MUC7: variants seen among roughly 807,000 people sequenced by gnomAD.
MUC7 encodes the protein mucin 7, secreted.
Under a neutral mutation model 2.5 loss-of-function variants are expected in MUC7, and 2 were observed. That is an observed-to-expected ratio of 0.81 (90% CI 0.33 to 2.55). The LOEUF (loss-of-function observed/expected upper bound fraction) is 2.55. Among genes scored for constraint, MUC7 ranks in the 30% most tolerant of loss-of-function variants. The pLI is 0.11. For synonymous variants in MUC7, 133 were observed against 173.4 expected (o/e 0.77, Z 1.83); for missense variants, 408 against 455.6 (o/e 0.90, Z 0.95).
chr4:70,453,435 G>T (rs1381411207), intron 1 of MUC7, among the ~76,000 whole-genome samples: 1 of 152,140 alleles, frequency 6.6e-6, no homozygotes, highest in African/African-American at 2.4e-5. Flanking sequence ...GAATAGTATT[G>T]CCTGACTACT....
At chr4:70,450,796 T>A (rs1447199977) in intron 1 of MUC7, among the ~76,000 whole-genome samples, 1 of 152,164 alleles carries the variant, frequency 6.6e-6, no homozygotes, top group Admixed American at 6.5e-5. Context: ...TGCCCTATCC[T>A]GCTGTGGCTG....
In MUC7 at chr4:70,481,388, C is replaced by CA. The variant is rs775340409; in HGVS notation, c.645dup (p.Pro216ThrfsTer97). On this transcript the variant is annotated frameshift_variant, in exon 3 of 3. Transcript: ENST00000304887. LOFTEE classifies it low-confidence loss of function (END_TRUNC). Reference sequence around the variant, plus strand: ...GCTCCACCAGAGACCACAGCTGCCCCACCCACACCTCCTGCAACTACACCA... The same window carrying CA: ...GCTCCACCAGAGACCACAGCTGCCCCAACCCACACCTCCTGCAACTACACCA... 4 of 1,613,330 alleles carry CA rather than the reference C, an allele frequency of 2.5e-6. No homozygotes were observed. The African/African-American group carries it at 5.4e-5, about 22-fold the overall frequency.
At position 70,481,737 on chromosome 4, in the gene MUC7, C is replaced by G; in HGVS notation, c.993C>G (p.His331Gln). The change falls in exon 3 of 3, where the codon CAC (histidine) becomes CAG (glutamine). Residue 331 changes from histidine (H) to glutamine (Q), a missense_variant. Around this residue, in one of 3 missense-constraint regions of MUC7, gnomAD observed 175 missense variants for 187.1 expected, o/e 0.94. Coordinates refer to ENST00000304887, the MANE Select transcript of MUC7 (RefSeq NM_152291.3). ...DTSETSAAPT[H>Q]QTTTSVTTQT... is the part of the protein sequence containing the mutation. ...CTGAAACTTCAGCTGCACCCACACA[C>G]CAGACTACTACTTCGGTCACTACTC... The G allele has an allele frequency of 1.2e-6, 2 of 1,614,214 alleles. No homozygotes were observed. Among genetic ancestry groups the G allele is most frequent in the Non-Finnish European group, 1.7e-6 (2 of 1,180,036 alleles).
chr4:70,473,833 T>C (rs1399755352), intron 1 of MUC7, among the ~76,000 whole-genome samples, 174 bp from the exon 2 acceptor site: 1 of 152,220 alleles, frequency 6.6e-6, no homozygotes. Flanking sequence ...GAATGCATTT[T>C]AGGCCTGAAG....
upstream of MUC7, among the ~76,000 whole-genome samples, chr4:70,470,443 T>C (rs1038022801): frequency 3.3e-5 from 5 of 152,222 alleles, no homozygotes; most frequent in African/African-American, 1.2e-4. Context: ...GTGTTACTCA[T>C]TTATTGAAAA....
At chr4:70,453,720 G>A (rs1037762683) in intron 1 of MUC7, among the ~76,000 whole-genome samples, 1 of 152,142 alleles carries the variant, frequency 6.6e-6, no homozygotes, top group Non-Finnish European at 1.5e-5. Context: ...CACCACAGCT[G>A]GGAATGATCT....
At chr4:70,459,884 T>A (rs974108852) in intron 1 of MUC7, among the ~76,000 whole-genome samples, 2 of 152,212 alleles carry the variant, frequency 1.3e-5, no homozygotes, top group African/African-American at 4.8e-5. Flanking sequence ...AGCAATTAGA[T>A]AGAAGGACTT....
At chr4:70,454,452 T>TC (rs1734366522) in intron 1 of MUC7, among the ~76,000 whole-genome samples, 1 of 152,110 alleles carries the variant, frequency 6.6e-6, no homozygotes, top group Non-Finnish European at 1.5e-5. Context: ...CAATGAACAG[T>TC]CCCACAGGCA....
intron 1 of MUC7, among the ~76,000 whole-genome samples, chr4:70,467,192 ATAAG>A (rs1416969468): frequency 6.6e-6 from 1 of 152,216 alleles, no homozygotes; most frequent in Non-Finnish European, 1.5e-5. Flanking sequence ...GCAGAAATAA[ATAAG>A]TTATTTGAAA....
chr4:70,461,832 A>G (rs1332646546), intron 1 of MUC7, among the ~76,000 whole-genome samples: 1 of 152,140 alleles, frequency 6.6e-6, no homozygotes, highest in African/African-American at 2.4e-5. Context: ...GAAAGAAAAA[A>G]TTTCCAAGCT....
In MUC7 at chr4:70,444,987, G is replaced by T. The variant is rs552726926; in HGVS notation, c.-93+14300G>T. Among the ~76,000 whole-genome samples, 76 of 152,266 alleles carry T rather than the reference G, an allele frequency of 5.0e-4. 1 individual carries two copies. The highest frequency in any genetic ancestry group is 1.8e-3 in the African/African-American group (74 of 41,550). ...GAATCGCTTGAACCTGGGAGGAGGA[G>T]GTTGCACCACTCTACTCCAGCCTGG... is the stretch of plus-strand genomic sequence containing the variant. On this transcript the variant is annotated intron_variant, in intron 1 of 3. Coordinates refer to the MUC7 transcript ENST00000413702.
At chr4:70,468,749 A>T (rs1292318083), upstream of MUC7, among the ~76,000 whole-genome samples, 1 of 152,212 alleles carries the variant, frequency 6.6e-6, no homozygotes, top group Non-Finnish European at 1.5e-5. Context: ...GCTCAATGAA[A>T]TAAGACAGGA....
At chr4:70,454,190 T>A (rs2109718513) in intron 1 of MUC7, among the ~76,000 whole-genome samples, 1 of 152,208 alleles carries the variant, frequency 6.6e-6, no homozygotes. Flanking sequence ...GTCCACTGGG[T>A]CTGAGCCCAA....
intron 1 of MUC7, among the ~76,000 whole-genome samples, chr4:70,457,294 A>T (rs1202610484): frequency 6.6e-6 from 1 of 152,088 alleles, no homozygotes; most frequent in Non-Finnish European, 1.5e-5. Flanking sequence ...CAATTTTTTT[A>T]AATTAGCCAG....
At chr4:70,433,929 C>T (rs1163796164) in intron 1 of MUC7, among the ~76,000 whole-genome samples, 1 of 152,188 alleles carries the variant, frequency 6.6e-6, no homozygotes, top group Non-Finnish European at 1.5e-5. Flanking sequence ...GAGTTTTTAG[C>T]ATGACAGGCT....
intron 1 of MUC7, among the ~76,000 whole-genome samples, chr4:70,433,791 C>T (rs1260405491): frequency 6.6e-6 from 1 of 152,092 alleles, no homozygotes; most frequent in East Asian, 1.9e-4. Flanking sequence ...GAGGGTATCC[C>T]CATCTTGTGC....
intron 1 of MUC7, among the ~76,000 whole-genome samples, chr4:70,464,797 G>A (rs1029865081): frequency 5.9e-5 from 9 of 152,168 alleles, no homozygotes; most frequent in African/African-American, 2.2e-4. Flanking sequence ...AAGCACCTGG[G>A]GAAAGGGGAG....
intron 1 of MUC7, among the ~76,000 whole-genome samples, chr4:70,442,031 G>C (rs1425159103): frequency 6.6e-6 from 1 of 152,150 alleles, no homozygotes; most frequent in African/African-American, 2.4e-5. Flanking sequence ...CAAGTCCTCA[G>C]GACAAAGAAA....
chr4:70,465,190 A>AAC (rs1734651708), intron 1 of MUC7, among the ~76,000 whole-genome samples: 1 of 152,338 alleles, frequency 6.6e-6, no homozygotes, highest in Admixed American at 6.5e-5. Flanking sequence ...AATAAACAGA[A>AAC]AGGAATAGCA....
Sources: allele counts gnomAD v4.1 joint callset (sites outside exome capture counted in the v4.1 genomes callset), GRCh38; gene constraint gnomAD v4.1.1; regional missense constraint gnomAD v4.1.1; transcripts MANE v1.5; gene names NCBI Gene and HGNC (gene_info 2026-07-23, HGNC 2026-07-21).